Variants in ABHD3 observed in about 807,000 individuals in gnomAD.
The protein encoded by ABHD3 is abhydrolase domain containing 3, phospholipase, also known as phospholipase ABHD3.
ABHD3 carries 46 observed loss-of-function variants against 48.8 expected under a neutral mutation model. The ratio of observed to expected loss-of-function variants is 0.94; its 90% CI spans 0.74 to 1.20. The LOEUF (loss-of-function observed/expected upper bound fraction) is 1.20. Ranked by LOEUF, ABHD3 falls within the 50% of genes most tolerant of loss-of-function variation. The pLI is 0.00. For missense variants in ABHD3, 490 were observed against 497.8 expected, an observed-to-expected ratio of 0.98 and a Z score of 0.15; for synonymous variants, 192 against 183.7, an observed-to-expected ratio of 1.04 and a Z score of -0.36.
chr18:21,680,008 T>G (rs1016930899), intron 4 of ABHD3, among the ~76,000 whole-genome samples: 6 of 151,038 alleles, frequency 4.0e-5, no homozygotes, highest in Admixed American at 6.6e-5. Flanking sequence ...ATTTCAAGTT[T>G]ATTATTTCTT....
chr18:21,687,594 G>A (rs1336841633), intron 3 of ABHD3, among the ~76,000 whole-genome samples: 2 of 152,116 alleles, frequency 1.3e-5, no homozygotes, highest in African/African-American at 4.8e-5. Context: ...GTATATGAGG[G>A]AAATTGTTCT....
At chr18:21,689,549 CAAA>C (rs36011228) in intron 3 of ABHD3, among the ~76,000 whole-genome samples, 7 of 41,798 alleles carry the variant, frequency 1.7e-4, no homozygotes, top group African/African-American at 5.9e-4. Flanking sequence ...AATCTGGTCT[CAAA>C]AAAAAAAAAA....
chr18:21,659,958 C>T (rs1481288106), intron 5 of ABHD3, among the ~76,000 whole-genome samples: 2 of 140,838 alleles, frequency 1.4e-5, no homozygotes, highest in East Asian at 2.0e-4. Context: ...CCGTTGCACC[C>T]GGCCTTTTTT....
At chr18:21,693,461 C>T (rs1251340699) in intron 3 of ABHD3, among the ~76,000 whole-genome samples, 3 of 152,206 alleles carry the variant, frequency 2.0e-5, no homozygotes, top group African/African-American at 7.2e-5. Context: ...ACTACCTAAG[C>T]TGTAACACTC....
chr18:21,659,961 C>T (rs945803884), intron 5 of ABHD3, among the ~76,000 whole-genome samples: 2 of 126,536 alleles, frequency 1.6e-5, no homozygotes, highest in African/African-American at 6.8e-5. Flanking sequence ...TTGCACCCGG[C>T]CTTTTTTTTT....
In ABHD3 at chr18:21,703,688, G is replaced by C. The variant is rs1473815098; in HGVS notation, c.222C>G (p.Pro74=). The C allele has an allele frequency of 6.2e-7, 1 of 1,614,060 alleles. No homozygotes were observed. The highest frequency in any genetic ancestry group is 8.5e-7 in the Non-Finnish European group (1 of 1,180,002). Residue 74 remains proline (P), a synonymous_variant, in exon 2 of 9, where the codon CCC becomes CCG. Coordinates refer to ENST00000289119, the MANE Select transcript of ABHD3 (RefSeq NM_138340.5). The part of the protein sequence containing the change: ...SFSRFLQDHC[P]VVTETYYPTV... ...TCGGGTAGTACGTTTCTGTAACCAC[G>C]GGACAGTGGTCTTGAAGGAAGCGGC...
chr18:21,655,986 A>G (rs999706318), intron 8 of ABHD3, among the ~76,000 whole-genome samples: 17 of 149,630 alleles, frequency 1.1e-4, no homozygotes, highest in African/African-American at 3.0e-4. Flanking sequence ...GTGAAACCCC[A>G]TCTCTACAAA....
intron 1 of ABHD3, 69 bp downstream of exon 1, chr18:21,704,431 GCAGC>G: frequency 8.0e-7 from 1 of 1,246,138 alleles, no homozygotes; most frequent in Non-Finnish European, 1.0e-6. Context: ...CCCTGGCCGC[GCAGC>G]CTCGCGCCGC....
rs754496919 is a variant in ABHD3 at position 21,704,566 on chromosome 18, A to T, written c.100T>A (p.Leu34Ile). Reference sequence around the variant, plus strand: ...ACGCTGAAGCCCAGGATAAGGGATAAGCCCACCCCCGAGCCGAAGAACCCC... The same window carrying T: ...ACGCTGAAGCCCAGGATAAGGGATATGCCCACCCCCGAGCCGAAGAACCCC... The part of the protein sequence containing the change: ...RVGFFGSGVG[L>I]SLILGFSVAY... Residue 34 changes from leucine to isoleucine, a missense_variant, in exon 1 of 9, where the codon TTA becomes ATA. Physicochemically the swap from Leu to Ile is conservative, Grantham distance 5 (BLOSUM62 2). Coordinates refer to ENST00000289119, the MANE Select transcript of ABHD3 (RefSeq NM_138340.5). The T allele has an allele frequency of 1.7e-5, 26 of 1,538,004 alleles. No individual in the cohort carries two copies. Among genetic ancestry groups the T allele is most frequent in the Non-Finnish European group, 2.2e-5 (25 of 1,144,734 alleles).
At chr18:21,655,929 G>A (rs894915497) in intron 8 of ABHD3, among the ~76,000 whole-genome samples, 2 of 151,812 alleles carry the variant, frequency 1.3e-5, no homozygotes, top group Admixed American at 1.3e-4. Flanking sequence ...GAACCAGGCA[G>A]GCGAATTACC....
At chr18:21,684,643 G>T (rs576477833) in intron 3 of ABHD3, among the ~76,000 whole-genome samples, 1 of 151,998 alleles carries the variant, frequency 6.6e-6, no homozygotes, top group East Asian at 1.9e-4. Flanking sequence ...TTTAAACAAA[G>T]AAAAAATATA....
chr18:21,701,600 G>A (rs1041925985), intron 3 of ABHD3: 2 of 151,950 alleles, frequency 1.3e-5, no homozygotes, highest in South Asian at 4.1e-4. Flanking sequence ...ACAACTCACA[G>A]AGTGTTCCAT....
chr18:21,653,662 G>A (rs1224736570), intron 8 of ABHD3, among the ~76,000 whole-genome samples: 1 of 151,310 alleles, frequency 6.6e-6, no homozygotes, highest in Non-Finnish European at 1.5e-5. Context: ...CACTTTGGGG[G>A]GATCTCTTGA....
Position 21,668,255 on chromosome 18 carries a change from CTCAT to C in ABHD3, c.556-4029_556-4026del, listed in dbSNP as rs963710665. 5.3e-5 allele frequency among the ~76,000 whole-genome samples: 8 copies of C among 149,728 alleles called. No homozygotes were observed. In the South Asian group the frequency reaches 1.3e-3, roughly 24 times the overall value. ...AGAAAAGAAAATATCTTCTACTATG[CTCAT>C]TCATAGTGACTTCAGAATTTGTCAT... On this transcript the variant is annotated intron_variant, in intron 4 of 8. Transcript: ENST00000289119.
chr18:21,692,036 G>A (rs1568160436), intron 3 of ABHD3, among the ~76,000 whole-genome samples: 1 of 152,112 alleles, frequency 6.6e-6, no homozygotes, highest in Non-Finnish European at 1.5e-5. Flanking sequence ...ACTGCAACCT[G>A]TCTCCCAGGT....
intron 3 of ABHD3, among the ~76,000 whole-genome samples, chr18:21,685,643 C>T (rs1413935906): frequency 6.6e-6 from 1 of 152,242 alleles, no homozygotes; most frequent in Non-Finnish European, 1.5e-5. Context: ...ATTCTCCTGC[C>T]TCAGCCTGCT....
At chr18:21,658,372 G>A (rs1357759063) in intron 6 of ABHD3, among the ~76,000 whole-genome samples, 1 of 152,140 alleles carries the variant, frequency 6.6e-6, no homozygotes, top group Non-Finnish European at 1.5e-5. Flanking sequence ...ACACCCTCAA[G>A]GAGCTGTATT....
At chr18:21,702,643 A>T in intron 2 of ABHD3, 145 bp from the exon 3 acceptor site, 1 of 652,422 alleles carries the variant, frequency 1.5e-6, no homozygotes, top group Non-Finnish European at 2.4e-6. Context: ...CTCGATCTAC[A>T]TATCATTTTC....
intron 3 of ABHD3, among the ~76,000 whole-genome samples, chr18:21,689,688 G>A (rs1214419902): frequency 6.6e-6 from 1 of 151,562 alleles, no homozygotes; most frequent in Non-Finnish European, 1.5e-5. Context: ...AGAAAGAGCA[G>A]TAAATTCTGA....
Sources: gnomAD v4.1 joint callset for allele counts (sites outside exome capture counted in the v4.1 genomes callset) on GRCh38, gnomAD v4.1.1 for gene constraint, MANE v1.5 for transcripts, NCBI Gene and HGNC (gene_info 2026-07-23, HGNC 2026-07-21) for gene names.